LGALS9: variants seen among roughly 807,000 people sequenced by gnomAD.
LGALS9 encodes the protein galectin-9.
Under a neutral mutation model 35.9 loss-of-function variants are expected in LGALS9, and 26 were observed. That is an observed-to-expected ratio of 0.72 (90% CI 0.53 to 1.01). The LOEUF is 1.01. LGALS9 is among the 50% of genes least tolerant of loss of function. LGALS9 has a pLI of 0.00. For missense variants in LGALS9, 347 were observed against 445.8 expected (o/e 0.78, Z 1.99); for synonymous variants, 149 against 172.2 (o/e 0.87, Z 1.06).
intron 4 of LGALS9, among the ~76,000 whole-genome samples, chr17:27,643,023 C>T (rs771014617): frequency 6.6e-6 from 1 of 152,110 alleles, no homozygotes; most frequent in Non-Finnish European, 1.5e-5. Context: ...GGCAAAACAG[C>T]AAGACCCTGT....
chr17:27,642,378 G>A (rs1299472190), intron 4 of LGALS9, 30 bp downstream of exon 4: 1 of 1,611,484 alleles, frequency 6.2e-7, no homozygotes, highest in Admixed American at 1.7e-5. Flanking sequence ...ACCGGTCCCA[G>A]GGGCTGGGAT....
chr17:27,647,577 T>G, intron 10 of LGALS9, 145 bp downstream of exon 10: 3 of 1,083,836 alleles, frequency 2.8e-6, no homozygotes, highest in Non-Finnish European at 3.9e-6. Flanking sequence ...GCCAACAAAT[T>G]ATTATTATTA....
chr17:27,642,653 C>T (rs1904607316), intron 4 of LGALS9, among the ~76,000 whole-genome samples: 2 of 151,964 alleles, frequency 1.3e-5, no homozygotes, highest in Non-Finnish European at 1.5e-5. Context: ...AGAGCCCAGG[C>T]TCAAGAACCA....
intron 2 of LGALS9, among the ~76,000 whole-genome samples, chr17:27,639,306 C>T (rs1346843389): frequency 1.3e-5 from 2 of 152,084 alleles, no homozygotes; most frequent in Non-Finnish European, 2.9e-5. Flanking sequence ...GAATCAGGAC[C>T]ATGACCCTGA....
intron 3 of LGALS9, 52 bp downstream of exon 3, chr17:27,640,825 C>T: frequency 6.2e-7 from 1 of 1,608,184 alleles, no homozygotes; most frequent in Non-Finnish European, 8.5e-7. Flanking sequence ...CCAGCCCTAT[C>T]AGGTGAATGG....
chr17:27,643,295 ACT>A (rs566870775), intron 4 of LGALS9, among the ~76,000 whole-genome samples: 1 of 150,818 alleles, frequency 6.6e-6, no homozygotes, highest in African/African-American at 2.4e-5. Context: ...TCCTTCCCTG[ACT>A]CTCTCCCCTG....
intron 3 of LGALS9, among the ~76,000 whole-genome samples, chr17:27,641,701 T>C (rs1016855687): frequency 2.6e-5 from 4 of 152,098 alleles, no homozygotes; most frequent in African/African-American, 9.7e-5. Context: ...GGGATGGAAA[T>C]GGCAGATCAC....
At chr17:27,643,667 G>T (rs771371304) in intron 5 of LGALS9, 47 bp downstream of exon 5, 3 of 1,548,730 alleles carry the variant, frequency 1.9e-6, no homozygotes, top group Non-Finnish European at 1.7e-6. Context: ...ACAGTAGGAA[G>T]GACCGAGGGT....
rs762706168 is a variant in LGALS9, at chr17:27,647,283, C to A, written c.772C>A (p.Leu258Met). The A allele has an allele frequency of 6.2e-7, 1 of 1,614,114 alleles. No homozygotes were observed. Among genetic ancestry groups the A allele is most frequent in the Non-Finnish European group, 8.5e-7 (1 of 1,180,044 alleles). Reference protein sequence around the residue: ...LPSAQRFHINLCSGNHIAFHL... With the variant: ...LPSAQRFHINMCSGNHIAFHL... ...TGCCCACCCCAGGTTCCACATCAAC[C>A]TGTGCTCTGGGAACCACATCGCCTT... Residue 258 changes from leucine (L) to methionine (M), a missense_variant, in exon 10 of 11, where the codon CTG (leucine) becomes ATG (methionine). By Grantham distance (15) the Leu-to-Met change is conservative. Coordinates refer to ENST00000395473, the MANE Select transcript of LGALS9 (RefSeq NM_009587.3).
chr17:27,641,412 T>C (rs1904489081), intron 3 of LGALS9, among the ~76,000 whole-genome samples: 1 of 152,196 alleles, frequency 6.6e-6, no homozygotes, highest in Non-Finnish European at 1.5e-5. Flanking sequence ...GAAGCCTTTA[T>C]CCTTAAACTA....
At chr17:27,640,344 C>T in intron 2 of LGALS9, 1 of 647,684 alleles carries the variant, frequency 1.5e-6, no homozygotes, top group Non-Finnish European at 2.7e-6. Flanking sequence ...TAACCGTTTT[C>T]TATTTGCTTT....
chr17:27,640,481 C>G, intron 2 of LGALS9, 91 bp from the exon 3 acceptor site: 2 of 1,572,214 alleles, frequency 1.3e-6, no homozygotes, highest in South Asian at 2.2e-5. Context: ...AAGATCCAGA[C>G]AAATGCAAAG....
intron 6 of LGALS9, chr17:27,645,632 G>A (rs1362490741): frequency 1.0e-5 from 6 of 601,690 alleles, no homozygotes; most frequent in Admixed American, 6.3e-5. Flanking sequence ...CGAGAGGAAA[G>A]ATGGGCCAGA....
intron 1 of LGALS9, among the ~76,000 whole-genome samples, chr17:27,635,315 A>G (rs1567911600): frequency 1.3e-5 from 2 of 151,808 alleles, no homozygotes; most frequent in Admixed American, 6.6e-5. Context: ...GCCTGCACCT[A>G]TTTTGTCCCA....
chr17:27,641,525 C>G (rs142955046), intron 3 of LGALS9, among the ~76,000 whole-genome samples: 405 of 152,232 alleles, frequency 2.7e-3, no homozygotes, highest in Non-Finnish European at 3.4e-3. Flanking sequence ...CACCCTTGGG[C>G]CTGGTCGGAG....
chr17:27,634,580 C>A (rs1463467625), intron 1 of LGALS9, among the ~76,000 whole-genome samples: 1 of 151,996 alleles, frequency 6.6e-6, no homozygotes, highest in Admixed American at 6.6e-5. Context: ...AAAACGAAAA[C>A]AAACAAAAAC....
intron 3 of LGALS9, among the ~76,000 whole-genome samples, chr17:27,641,916 C>T (rs139285489): frequency 4.0e-5 from 6 of 151,380 alleles, no homozygotes; most frequent in African/African-American, 1.5e-4. Flanking sequence ...CCAGCCTGGG[C>T]GACAGACTGA....
chr17:27,640,837 CT>C, intron 3 of LGALS9, 64 bp downstream of exon 3: 1 of 1,598,058 alleles, frequency 6.3e-7, no homozygotes, highest in Non-Finnish European at 8.6e-7. Flanking sequence ...GGTGAATGGC[CT>C]TTAAGTAATC....
chr17:27,636,576 C>G (rs928413862), intron 1 of LGALS9, among the ~76,000 whole-genome samples: 2 of 152,016 alleles, frequency 1.3e-5, no homozygotes, highest in African/African-American at 4.8e-5. Context: ...CTCAAGGGAT[C>G]CTCCCACCTC....
Sources: gnomAD v4.1 joint callset for allele counts (sites outside exome capture counted in the v4.1 genomes callset) on GRCh38, gnomAD v4.1.1 for gene constraint, MANE v1.5 for transcripts, NCBI Gene and HGNC (gene_info 2026-07-23, HGNC 2026-07-21) for gene names.